EYA3: variants seen among roughly 807,000 people sequenced by gnomAD.
EYA3 encodes the protein protein phosphatase EYA3.
EYA3 carries 39 observed loss-of-function variants against 80.0 expected under a neutral mutation model. The ratio of observed to expected loss-of-function variants is 0.49; its 90% confidence interval spans 0.38 to 0.64. EYA3 has a LOEUF of 0.64. EYA3 is among the 30% of genes least tolerant of loss of function. The pLI is 0.00. For synonymous variants in EYA3, 206 were observed against 232.8 expected (o/e 0.88, Z 1.05); for missense variants, 523 against 676.1 (o/e 0.77, Z 2.51).
chr1:27,982,476 A>G (rs931942520), intron 16 of EYA3, among the ~76,000 whole-genome samples: 1 of 151,692 alleles, frequency 6.6e-6, no homozygotes, highest in African/African-American at 2.4e-5. Flanking sequence ...AAAAAAAAAA[A>G]AAATCAAGAC....
chr1:28,053,178 A>AAAAAAAAAAAAAAAG (rs1644324617), intron 2 of EYA3, among the ~76,000 whole-genome samples: 1 of 120,200 alleles, frequency 8.3e-6, no homozygotes, highest in Non-Finnish European at 1.8e-5. Context: ...AAAAAAAAAA[A>AAAAAAAAAAAAAAAG]CAGAAAAAGA....
chr1:27,982,992 A>G (rs1317594557), intron 16 of EYA3, among the ~76,000 whole-genome samples: 1 of 152,214 alleles, frequency 6.6e-6, no homozygotes, highest in Non-Finnish European at 1.5e-5. Flanking sequence ...TTACAGACCA[A>G]TTATTTTCTA....
At chr1:28,060,352 T>C (rs923405544) in intron 1 of EYA3, among the ~76,000 whole-genome samples, 6 of 152,196 alleles carry the variant, frequency 3.9e-5, no homozygotes, top group African/African-American at 1.4e-4. Flanking sequence ...TCATGGGTTT[T>C]AAAAAGTAAG....
intron 2 of EYA3, among the ~76,000 whole-genome samples, chr1:28,056,409 C>T (rs1644439234): frequency 6.6e-6 from 1 of 152,202 alleles, no homozygotes; most frequent in African/African-American, 2.4e-5. Flanking sequence ...TGCCTCCTGA[C>T]CAACAGTGGT....
chr1:28,035,543 C>T lies in EYA3; in HGVS notation c.361+1G>A. 6.2e-7 allele frequency: 1 copy of T among 1,611,550 alleles called. No homozygotes were observed. Among genetic ancestry groups the T allele is most frequent in the Admixed American group, 1.7e-5 (1 of 59,292 alleles). ...AAATTGTTTACAATACAGTGCCTTA[C>T]CAAAAGGAGGTAGTCCATACGTTTG... On this transcript the variant is annotated splice_donor_variant, in intron 6 of 17. Transcript: ENST00000373871. LOFTEE classifies it high-confidence loss of function.
At chr1:28,085,407 C>G (rs1017652667) in intron 1 of EYA3, among the ~76,000 whole-genome samples, 3 of 152,106 alleles carry the variant, frequency 2.0e-5, no homozygotes, top group Non-Finnish European at 4.4e-5. Context: ...CGAGATCGTG[C>G]CACTGCACTA....
chr1:28,051,425 C>T (rs756758694), intron 2 of EYA3, among the ~76,000 whole-genome samples: 21 of 152,146 alleles, frequency 1.4e-4, no homozygotes, highest in Middle Eastern at 6.8e-3. Context: ...CAGTGGCTCA[C>T]GCTTCTAATC....
intron 1 of EYA3, among the ~76,000 whole-genome samples, chr1:28,069,942 G>A (rs962577950): frequency 6.6e-6 from 1 of 152,108 alleles, no homozygotes; most frequent in Admixed American, 6.6e-5. Context: ...GGAGGGTTAC[G>A]GTCAAGGAAT....
At chr1:28,047,830 G>A (rs1472247071) in intron 3 of EYA3, among the ~76,000 whole-genome samples, 2 of 151,886 alleles carry the variant, frequency 1.3e-5, no homozygotes, top group Non-Finnish European at 2.9e-5. Flanking sequence ...TAGTAGAGAC[G>A]GGGTTTCACC....
chr1:28,016,088 G>A (rs545930676), intron 8 of EYA3, among the ~76,000 whole-genome samples: 1 of 152,272 alleles, frequency 6.6e-6, no homozygotes, highest in South Asian at 2.1e-4. Flanking sequence ...CCCTGTGGAT[G>A]AAGTAATTAA....
At chr1:27,999,157 C>T (rs918696470) in intron 12 of EYA3, among the ~76,000 whole-genome samples, 3 of 152,346 alleles carry the variant, frequency 2.0e-5, no homozygotes, top group Admixed American at 2.0e-4. Flanking sequence ...ATTCAAAGGA[C>T]ATGAAGTGAA....
In EYA3 at chr1:28,062,657, G is replaced by GGTGTGTGTGTGTGTGTGT. The variant is rs71027260; in HGVS notation, c.-68-4581_-68-4564dup. 6.6e-3 allele frequency among the ~76,000 whole-genome samples: 939 copies of GGTGTGTGTGTGTGTGTGT among 141,610 alleles called. 7 individuals carry two copies. The highest frequency in any genetic ancestry group is 0.014 in the East Asian group (66 of 4,878). 92.9% of individuals were successfully genotyped at this position (141,610 alleles called of 152,430 possible). A position where few individuals can be genotyped will look rare whatever the true frequency, so the allele number is the denominator to read the frequency against. On this transcript the variant is annotated intron_variant, in intron 1 of 17. Coordinates refer to ENST00000373871, the MANE Select transcript of EYA3 (RefSeq NM_001990.4). ...TAGGAAGAGAAATTAAATATATGTA[G>GGTGTGTGTGTGTGTGTGT]GTGTGTGTGTGTGTGTGTGTGTGTG...
At chr1:28,081,933 CATTAA>C (rs369179325) in intron 1 of EYA3, among the ~76,000 whole-genome samples, 33 of 151,992 alleles carry the variant, frequency 2.2e-4, no homozygotes, top group East Asian at 7.7e-4. Flanking sequence ...ATGTGGAAGC[CATTAA>C]ATTAAATTAA....
intron 13 of EYA3, among the ~76,000 whole-genome samples, chr1:27,995,688 G>A (rs554676202): frequency 9.2e-5 from 14 of 151,544 alleles, no homozygotes; most frequent in African/African-American, 1.7e-4. Context: ...ACAATGAGCC[G>A]AGATGGTGCC....
chr1:28,064,376 C>A (rs4068840), intron 1 of EYA3, among the ~76,000 whole-genome samples: 2,116 of 111,822 alleles, frequency 0.019, 45 homozygotes, highest in African/African-American at 0.058. Context: ...CTCTCTCTCT[C>A]TCTATATATA....
In EYA3 at chr1:28,042,655, G is replaced by A; in HGVS notation, c.78-5C>T. The A allele has an allele frequency of 6.2e-7, 1 of 1,613,488 alleles. No homozygotes were observed. The highest frequency in any genetic ancestry group is 8.5e-7 in the Non-Finnish European group (1 of 1,179,450). On this transcript the variant is annotated splice_region_variant and splice_polypyrimidine_tract_variant and intron_variant, in intron 3 of 17. Coordinates refer to ENST00000373871, the MANE Select transcript of EYA3 (RefSeq NM_001990.4). ...ACATCTGGATTGCTTACTTGACTGG[G>A]AGAACCAAAATGAATACATTAGCCC... is the stretch of plus-strand genomic sequence containing the variant.
chr1:28,040,237 A>G (rs1350368865), intron 4 of EYA3, among the ~76,000 whole-genome samples: 1 of 152,248 alleles, frequency 6.6e-6, no homozygotes, highest in Non-Finnish European at 1.5e-5. Flanking sequence ...AGGTAAAACT[A>G]ACAGGACATT....
At chr1:28,015,473 G>A (rs1320185487) in intron 8 of EYA3, among the ~76,000 whole-genome samples, 1 of 152,154 alleles carries the variant, frequency 6.6e-6, no homozygotes, top group African/African-American at 2.4e-5. Context: ...AGCTTGCAGT[G>A]AGCAGAGATT....
At chr1:28,059,806 C>G (rs960415554) in intron 1 of EYA3, among the ~76,000 whole-genome samples, 2 of 151,074 alleles carry the variant, frequency 1.3e-5, no homozygotes, top group South Asian at 2.1e-4. Context: ...CTGCAACCTC[C>G]GTCTCCCGGG....
Sources: allele counts gnomAD v4.1 joint callset (sites outside exome capture counted in the v4.1 genomes callset), GRCh38; gene constraint gnomAD v4.1.1; transcripts MANE v1.5; gene names NCBI Gene and HGNC (gene_info 2026-07-23, HGNC 2026-07-21).